FAM107A: variants seen among roughly 807,000 people sequenced by gnomAD.
FAM107A encodes the protein actin-associated protein FAM107A.
In FAM107A, 19 loss-of-function variants were observed where a neutral mutation model predicts 13.7. That is an observed-to-expected ratio of 1.38 (90% CI 0.97 to 2.03). The LOEUF (loss-of-function observed/expected upper bound fraction) is 2.03, where lower values mean the gene tolerates loss of function less well. Ranked by LOEUF, FAM107A falls within the 30% of genes most tolerant of loss-of-function variation. FAM107A has a pLI of 0.00. For synonymous variants in FAM107A, 82 were observed against 74.5 expected, an observed-to-expected ratio of 1.10 and a Z score of -0.52; for missense variants, 203 against 184.4, an observed-to-expected ratio of 1.10 and a Z score of -0.58.
chr3:58,566,348 AGGG>A lies in FAM107A; in HGVS notation c.*237_*239del, dbSNP rs2063620759. 1 of 489,060 alleles carries A rather than the reference AGGG, an allele frequency of 2.0e-6. No individual in the cohort carries two copies. The highest frequency in any genetic ancestry group is 3.6e-6 in the Non-Finnish European group (1 of 277,518). The allele number at this position is 489,060 out of a possible 1,614,324, so 30.3% of individuals were successfully genotyped here. ...GCTGGGCTCTGAACCCCTTGCAGGG[AGGG>A]GTGCAGGTTATCCCTCTTGGAGCAG... On this transcript the variant is annotated 3_prime_UTR_variant, in exon 4 of 4. Coordinates refer to ENST00000360997, the MANE Select transcript of FAM107A (RefSeq NM_001076778.3).
chr3:58,579,066 G>A (rs1186020949), upstream of FAM107A, among the ~76,000 whole-genome samples: 4 of 152,198 alleles, frequency 2.6e-5, no homozygotes, highest in African/African-American at 9.7e-5. Flanking sequence ...ATGACGTCAG[G>A]CAGTGAGGAA....
At position 58,569,920 on chromosome 3, in the gene FAM107A, C is replaced by T; in HGVS notation, c.-5-55G>A. ...AGCTGAGCCTATAATCTCACCCTGC[C>T]CCATGGGACACAGTTGAAGGGCAAG... is the stretch of plus-strand genomic sequence containing the variant. On this transcript the variant is annotated intron_variant, in intron 1 of 3. Coordinates refer to ENST00000360997, the MANE Select transcript of FAM107A (RefSeq NM_001076778.3). This position sits in a 1 kb window ranked among gnomAD's most constrained non-coding sequence, Gnocchi z 5.7. The T allele has an allele frequency of 6.4e-7, 1 of 1,550,704 alleles. No homozygotes were observed. Among genetic ancestry groups the T allele is most frequent in the Non-Finnish European group, 8.7e-7 (1 of 1,143,420 alleles).
At chr3:58,586,746 G>A in intron 1 of FAM107A, 2 of 1,120,696 alleles carry the variant, frequency 1.8e-6, no homozygotes, top group East Asian at 6.2e-5. Flanking sequence ...GAAAGAAGCA[G>A]AGCAACGAAG....
At chr3:58,589,217 C>A (rs73091460), upstream of FAM107A, 1 of 1,532,994 alleles carries the variant, frequency 6.5e-7, no homozygotes, top group East Asian at 2.4e-5. Context: ...TGAGCCATTT[C>A]GTCTCTGCTT....
At chr3:58,612,429 A>T (rs2108078847) in intron 1 of FAM107A, among the ~76,000 whole-genome samples, 1 of 152,126 alleles carries the variant, frequency 6.6e-6, no homozygotes, top group Admixed American at 6.5e-5. Flanking sequence ...AATATAGAAA[A>T]ATTAGCCAGG....
At chr3:58,585,729 A>G (rs1017849289) in intron 1 of FAM107A, among the ~76,000 whole-genome samples, 13 of 152,226 alleles carry the variant, frequency 8.5e-5, no homozygotes, top group African/African-American at 3.1e-4. Context: ...AGCACGAGAT[A>G]GCGTTTCACC....
rs200625039 is a variant in FAM107A, at chr3:58,614,506, C to CTT, written c.-70+12908_-70+12909dup. 5.4e-4 allele frequency among the ~76,000 whole-genome samples: 75 copies of CTT among 139,382 alleles called. 2 individuals are homozygous for CTT. The highest frequency in any genetic ancestry group is 1.4e-3 in the African/African-American group (54 of 37,300). The allele number at this position is 139,382 out of a possible 152,430, so 91.4% of individuals were successfully genotyped here. Reference sequence around the variant, plus strand: ...TTCAATTTCTTATCTTTCTTTCTTTCTTTTTTTTTTTTTTTGAGATGCAGT... The same window carrying CTT: ...TTCAATTTCTTATCTTTCTTTCTTTCTTTTTTTTTTTTTTTTTGAGATGCAGT... On this transcript the variant is annotated intron_variant, in intron 1 of 3. Transcript: ENST00000465970.
intron 1 of FAM107A, among the ~76,000 whole-genome samples, chr3:58,597,471 G>A (rs1181348837): frequency 2.0e-5 from 3 of 152,172 alleles, no homozygotes; most frequent in South Asian, 2.1e-4. Context: ...TTAAAATCTG[G>A]AGTGAATCAG....
In FAM107A at chr3:58,569,596, A is replaced by G. The variant is rs574591186; in HGVS notation, c.170+95T>C. 308 of 1,091,226 alleles carry G rather than the reference A, an allele frequency of 2.8e-4. No homozygotes were observed. The highest frequency in any genetic ancestry group is 7.7e-4 in the Admixed American group (34 of 43,992). 67.6% of individuals were successfully genotyped at this position (1,091,226 alleles called of 1,614,324 possible). On this transcript the variant is annotated intron_variant, in intron 2 of 3. Coordinates refer to ENST00000360997, the MANE Select transcript of FAM107A (RefSeq NM_001076778.3). The surrounding 1 kb of genome is among the most constrained non-coding windows in gnomAD (Gnocchi z 5.7). ...TTCCTCAGTCTCCAGGAGCCCCAGG[A>G]TGAAAGCCAGCTCTGCTTTCCTCCA...
intron 1 of FAM107A, among the ~76,000 whole-genome samples, chr3:58,620,289 T>G (rs13090358): frequency 0.095 from 14,495 of 152,212 alleles, 867 homozygotes; most frequent in Non-Finnish European, 0.13. Flanking sequence ...ATGGGGTCCC[T>G]GAGGAACTTG....
At chr3:58,596,534 C>T (rs1162810378) in intron 1 of FAM107A, among the ~76,000 whole-genome samples, 1 of 152,056 alleles carries the variant, frequency 6.6e-6, no homozygotes, top group Non-Finnish European at 1.5e-5. Context: ...AAAAAATTAG[C>T]CGGACCTGGT....
chr3:58,570,850 A>G (rs1422325827), intron 1 of FAM107A, among the ~76,000 whole-genome samples: 1 of 152,192 alleles, frequency 6.6e-6, no homozygotes, highest in Admixed American at 6.5e-5. Context: ...ATTTGTTGGT[A>G]ATTGCCAATG....
intron 1 of FAM107A, among the ~76,000 whole-genome samples, chr3:58,576,260 A>G (rs930958420): frequency 2.0e-5 from 3 of 152,248 alleles, no homozygotes; most frequent in Non-Finnish European, 2.9e-5. Context: ...ATTTTGCCTC[A>G]GGTCCGTTGC....
At chr3:58,619,144 G>A (rs1403559223) in intron 1 of FAM107A, among the ~76,000 whole-genome samples, 1 of 152,114 alleles carries the variant, frequency 6.6e-6, no homozygotes, top group Non-Finnish European at 1.5e-5. Context: ...GGGACTACAT[G>A]TGCACCACCA....
intron 1 of FAM107A, among the ~76,000 whole-genome samples, chr3:58,609,629 C>T (rs1267811842): frequency 6.6e-6 from 1 of 152,198 alleles, no homozygotes; most frequent in Non-Finnish European, 1.5e-5. Context: ...GGAAGGTTTC[C>T]CCCAACATCT....
At chr3:58,619,489 C>G (rs2065933452) in intron 1 of FAM107A, among the ~76,000 whole-genome samples, 2 of 152,216 alleles carry the variant, frequency 1.3e-5, no homozygotes, top group Non-Finnish European at 2.9e-5. Context: ...CTGGGACATG[C>G]CGCAGCCTCT....
At chr3:58,573,491 C>G (rs571037292) in intron 1 of FAM107A, 1 of 152,400 alleles carries the variant, frequency 6.6e-6, no homozygotes, top group African/African-American at 2.4e-5. Context: ...CTGGGCATCC[C>G]GAGAGATCCA....
intron 1 of FAM107A, among the ~76,000 whole-genome samples, chr3:58,614,293 T>C (rs768679027): frequency 1.3e-5 from 2 of 152,212 alleles, no homozygotes; most frequent in Non-Finnish European, 2.9e-5. Flanking sequence ...TGAATTGGCC[T>C]GTAATTTACT....
intron 1 of FAM107A, among the ~76,000 whole-genome samples, chr3:58,614,320 T>G (rs2065881604): frequency 6.6e-6 from 1 of 152,078 alleles, no homozygotes; most frequent in Admixed American, 6.5e-5. Context: ...TCATTGTCCT[T>G]GTTTAATTTT....
Sources: allele counts gnomAD v4.1 joint callset (sites outside exome capture counted in the v4.1 genomes callset), GRCh38; gene constraint gnomAD v4.1.1; non-coding constraint Gnocchi (gnomAD v3.1); transcripts MANE v1.5; gene names NCBI Gene and HGNC (gene_info 2026-07-23, HGNC 2026-07-21).